The following PPIL4 variants were observed in gnomAD, a reference collection of about 807,000 sequenced individuals.
PPIL4 encodes peptidyl-prolyl cis-trans isomerase-like 4.
In PPIL4, 50 loss-of-function variants were observed where a neutral mutation model predicts 69.1. The observed-to-expected ratio is 0.72, with a 90% CI of 0.58 to 0.92. The LOEUF (loss-of-function observed/expected upper bound fraction) is 0.92, where lower values mean the gene tolerates loss of function less well. PPIL4 is among the 40% of genes least tolerant of loss of function. The probability of loss-of-function intolerance (pLI) is 0.00; values close to 1 mark genes in which losing one functional copy is unlikely to be tolerated. For missense variants in PPIL4, 480 were observed against 587.9 expected (o/e 0.82, Z 1.90); for synonymous variants, 193 against 191.6 (o/e 1.01, Z -0.06).
intron 11 of PPIL4, among the ~76,000 whole-genome samples, chr6:149,513,315 G>A (rs1388328384): frequency 7.2e-6 from 1 of 138,068 alleles, no homozygotes; most frequent in African/African-American, 2.7e-5. Context: ...AACCCAGGAG[G>A]TAGAGACTTT....
At chr6:149,521,816 G>T (rs1322869103) in intron 9 of PPIL4, among the ~76,000 whole-genome samples, 1 of 152,182 alleles carries the variant, frequency 6.6e-6, no homozygotes, top group Non-Finnish European at 1.5e-5. Context: ...TTTAGATAAT[G>T]AACTGTGAGA....
At chr6:149,532,300 A>T (rs966033994) in intron 7 of PPIL4, among the ~76,000 whole-genome samples, 9 of 152,262 alleles carry the variant, frequency 5.9e-5, no homozygotes, top group African/African-American at 1.4e-4. Flanking sequence ...AAAAAGTTTT[A>T]AAAAGTATGT....
At chr6:149,544,609 C>A (rs989042769) in intron 1 of PPIL4, among the ~76,000 whole-genome samples, 3 of 152,160 alleles carry the variant, frequency 2.0e-5, no homozygotes, top group Admixed American at 2.0e-4. Context: ...AGCAGAGGAA[C>A]CCTCAGGTAA....
chr6:149,512,284 TATA>T lies in PPIL4; in HGVS notation c.1095_1097del (p.Ile366del). ...TTGAGTCTTCGGCCTGCTCATCTAA[TATA>T]AGATCGTATTTTGTACTGCAGTAGT... On this transcript the variant is annotated inframe_deletion, in exon 12 of 13. Transcript: ENST00000253329. The T allele has an allele frequency of 1.2e-6, 2 of 1,610,054 alleles. No individual in the cohort carries two copies. The highest frequency in any genetic ancestry group is 8.5e-7 in the Non-Finnish European group (1 of 1,176,814).
chr6:149,531,239 C>G (rs1777191579), intron 7 of PPIL4, among the ~76,000 whole-genome samples: 1 of 151,924 alleles, frequency 6.6e-6, no homozygotes, highest in Non-Finnish European at 1.5e-5. Flanking sequence ...GTGGCAGGCG[C>G]CTGTAATCCC....
chr6:149,523,304 A>G (rs551638054), intron 9 of PPIL4, among the ~76,000 whole-genome samples: 66 of 152,232 alleles, frequency 4.3e-4, no homozygotes, highest in Non-Finnish European at 5.1e-4. Context: ...ACAAAAAAAA[A>G]GTAAAAGGAA....
At chr6:149,526,580 A>G in intron 8 of PPIL4, 72 bp downstream of exon 8, 1 of 1,415,022 alleles carries the variant, frequency 7.1e-7, no homozygotes, top group Non-Finnish European at 9.8e-7. Flanking sequence ...AATCATCAAA[A>G]TATGTCATTA....
At chr6:149,517,494 C>T (rs761220378) in intron 10 of PPIL4, 44 bp from the exon 11 acceptor site, 1 of 894,556 alleles carries the variant, frequency 1.1e-6, no homozygotes, top group Non-Finnish European at 1.7e-6. Context: ...AAAAAAACCA[C>T]CTAACCAAGA....
intron 7 of PPIL4, among the ~76,000 whole-genome samples, chr6:149,530,249 T>C (rs570885047): frequency 5.9e-5 from 9 of 152,314 alleles, no homozygotes; most frequent in Admixed American, 2.6e-4. Flanking sequence ...AAACTCTCTG[T>C]ACTTTATGTT....
At chr6:149,524,241 T>C (rs1341039791) in intron 9 of PPIL4, among the ~76,000 whole-genome samples, 2 of 152,222 alleles carry the variant, frequency 1.3e-5, no homozygotes, top group African/African-American at 4.8e-5. Context: ...ATTATGTGTC[T>C]CAGTTAACTT....
intron 3 of PPIL4, 51 bp downstream of exon 3, chr6:149,541,316 A>G (rs1777357330): frequency 2.4e-6 from 2 of 824,428 alleles, no homozygotes; most frequent in Non-Finnish European, 3.3e-6. Flanking sequence ...AGAGGTTAAA[A>G]GTAAATAAAT....
At chr6:149,525,313 C>A in intron 8 of PPIL4, 104 bp from the exon 9 acceptor site, 1 of 588,518 alleles carries the variant, frequency 1.7e-6, no homozygotes, top group Admixed American at 3.2e-5. Flanking sequence ...TACTACAAGG[C>A]AAAGTTAAAT....
At chr6:149,529,180 A>G (rs2115035314) in intron 7 of PPIL4, among the ~76,000 whole-genome samples, 1 of 152,078 alleles carries the variant, frequency 6.6e-6, no homozygotes, top group East Asian at 1.9e-4. Context: ...GTGAGCTATG[A>G]CAGCACCACT....
At chr6:149,529,468 A>T (rs972340128) in intron 7 of PPIL4, among the ~76,000 whole-genome samples, 6 of 151,796 alleles carry the variant, frequency 4.0e-5, no homozygotes, top group African/African-American at 1.2e-4. Flanking sequence ...AAAATTAAAA[A>T]AAATTAAAAA....
intron 7 of PPIL4, among the ~76,000 whole-genome samples, chr6:149,528,888 A>G (rs1420636388): frequency 6.6e-6 from 1 of 152,216 alleles, no homozygotes; most frequent in African/African-American, 2.4e-5. Context: ...AAAAATATAC[A>G]AGCTGTGATA....
At chr6:149,517,680 C>T (rs906468876) in intron 10 of PPIL4, 1 of 344,090 alleles carries the variant, frequency 2.9e-6, no homozygotes, top group African/African-American at 2.1e-5. Context: ...GTGAATATTA[C>T]AACATCAAAC....
At chr6:149,536,903 A>G (rs543955992) in intron 4 of PPIL4, among the ~76,000 whole-genome samples, 1 of 152,158 alleles carries the variant, frequency 6.6e-6, no homozygotes, top group South Asian at 2.1e-4. Flanking sequence ...CGAGGCAGGC[A>G]GATCACAAGC....
rs150569351 is a variant in PPIL4 at position 149,541,585 on chromosome 6, G to A, written c.72C>T (p.Ala24=). 724 of 1,543,422 alleles carry A rather than the reference G, an allele frequency of 4.7e-4. No homozygotes were observed. The highest frequency in any genetic ancestry group is 6.0e-4 in the Non-Finnish European group (676 of 1,118,888). Residue 24 remains alanine (A), a splice_region_variant and synonymous_variant, in exon 2 of 13, where the codon GCC becomes GCT. Coordinates refer to ENST00000253329, the MANE Select transcript of PPIL4 (RefSeq NM_139126.4). ...TGCACAGTTTCAAGAAATTCAAGCAGGCTGAAAGAAAGTAAATACCAAATT... is the reference window on the plus strand; with the variant it reads ...TGCACAGTTTCAAGAAATTCAAGCAAGCTGAAAGAAAGTAAATACCAAATT... ...IDLYTEERPR[A]CLNFLKLCKI...
Position 149,519,177 on chromosome 6 carries a change from T to C in PPIL4, c.983-1727A>G, listed in dbSNP as rs551759436. On this transcript the variant is annotated intron_variant, in intron 10 of 12. Coordinates refer to ENST00000253329, the MANE Select transcript of PPIL4 (RefSeq NM_139126.4). Reference sequence around the variant, plus strand: ...TGGATGGGTTGAGAAGAAGACAGGATTGAGAGGGTAAAAAACAAACCAAAT... The same window carrying C: ...TGGATGGGTTGAGAAGAAGACAGGACTGAGAGGGTAAAAAACAAACCAAAT... 5.3e-5 allele frequency among the ~76,000 whole-genome samples: 8 copies of C among 152,276 alleles called. No homozygotes were observed. In the South Asian group the frequency reaches 1.4e-3, roughly 28 times the overall value.
Sources: gnomAD v4.1 joint callset for allele counts (sites outside exome capture counted in the v4.1 genomes callset) on GRCh38, gnomAD v4.1.1 for gene constraint, MANE v1.5 for transcripts, NCBI Gene and HGNC (gene_info 2026-07-23, HGNC 2026-07-21) for gene names.